The following CPQ variants were observed in gnomAD, a reference collection of about 807,000 sequenced individuals.
CPQ encodes carboxypeptidase Q, also known as Ser-Met dipeptidase.
CPQ carries 37 observed loss-of-function variants against 45.7 expected under a neutral mutation model. That is an observed-to-expected ratio of 0.81 (90% CI 0.62 to 1.07). The LOEUF is 1.07. Among genes scored for constraint, CPQ ranks in the 50% least tolerant of loss-of-function variants. The pLI is 0.00. For synonymous variants in CPQ, 186 were observed against 205.8 expected, an observed-to-expected ratio of 0.90 and a Z score of 0.82; for missense variants, 537 against 572.9, an observed-to-expected ratio of 0.94 and a Z score of 0.64.
intron 7 of CPQ, among the ~76,000 whole-genome samples, chr8:97,138,879 T>C (rs1025442371): frequency 6.6e-6 from 1 of 151,808 alleles, no homozygotes; most frequent in African/African-American, 2.4e-5. Flanking sequence ...AGCATGTAGC[T>C]TCCAAACTAT....
intron 1 of CPQ, among the ~76,000 whole-genome samples, chr8:96,783,731 T>C (rs1213450805): frequency 1.3e-5 from 2 of 152,192 alleles, no homozygotes; most frequent in Non-Finnish European, 2.9e-5. Flanking sequence ...TAATAGCCAC[T>C]AGCCACACGT....
intron 7 of CPQ, among the ~76,000 whole-genome samples, chr8:97,099,115 C>CTCTCTCTTTTTTTTTTTTTTTTT (rs1554589610): frequency 1.5e-5 from 1 of 66,316 alleles, no homozygotes; most frequent in Admixed American, 2.7e-4. Flanking sequence ...CCTTCTCTCT[C>CTCTCTCTTTTTTTTTTTTTTTTT]TTTTTTTTTT....
In CPQ at chr8:96,861,457, C is replaced by T. The variant is rs190094332; in HGVS notation, c.642-18341C>T. On this transcript the variant is annotated intron_variant, in intron 3 of 7. Transcript: ENST00000220763. ...AAGGTTGTTTAGGTCATTAAGCTTA[C>T]AAGATCTTCTATTTCCCAATTAGTA... 3.9e-5 allele frequency among the ~76,000 whole-genome samples: 6 copies of T among 152,154 alleles called. No homozygotes were observed. The East Asian group carries it at 9.7e-4, about 25-fold the overall frequency.
intron 4 of CPQ, among the ~76,000 whole-genome samples, chr8:96,886,876 A>G (rs1359302181): frequency 1.3e-5 from 2 of 152,216 alleles, no homozygotes; most frequent in African/African-American, 2.4e-5. Context: ...TTCCCTAAGC[A>G]CAAAGAGTTC....
At chr8:96,830,899 A>G (rs1208558652) in intron 2 of CPQ, among the ~76,000 whole-genome samples, 2 of 152,200 alleles carry the variant, frequency 1.3e-5, no homozygotes, top group East Asian at 3.9e-4. Flanking sequence ...TTTGTGAAAT[A>G]ATATAACAAT....
At chr8:96,727,846 C>T (rs547454338) in intron 1 of CPQ, among the ~76,000 whole-genome samples, 3 of 152,094 alleles carry the variant, frequency 2.0e-5, no homozygotes, top group Non-Finnish European at 4.4e-5. Flanking sequence ...CTGATTTTTC[C>T]AGAGAAAAAT....
At chr8:97,091,262 T>C (rs547237845) in intron 7 of CPQ, among the ~76,000 whole-genome samples, 1 of 152,346 alleles carries the variant, frequency 6.6e-6, no homozygotes, top group African/African-American at 2.4e-5. Context: ...CCATCACTTA[T>C]ATTTCTCAGA....
chr8:96,646,709 T>A (rs1815523071), intron 1 of CPQ, among the ~76,000 whole-genome samples: 1 of 152,226 alleles, frequency 6.6e-6, no homozygotes, highest in Non-Finnish European at 1.5e-5. Context: ...AAAATGAAGA[T>A]GTTTAGCTAG....
intron 4 of CPQ, among the ~76,000 whole-genome samples, chr8:96,899,988 C>T (rs1247688644): frequency 6.6e-6 from 1 of 152,028 alleles, no homozygotes; most frequent in Non-Finnish European, 1.5e-5. Flanking sequence ...TTTGATGGTC[C>T]TTTTGTTGTT....
chr8:96,700,623 C>T (rs1434515328), intron 1 of CPQ, among the ~76,000 whole-genome samples: 2 of 152,192 alleles, frequency 1.3e-5, no homozygotes, highest in Non-Finnish European at 2.9e-5. Context: ...AAGAACCAGA[C>T]CTAGCTAGAA....
At chr8:96,932,550 A>G (rs1166297954) in intron 4 of CPQ, among the ~76,000 whole-genome samples, 1 of 152,214 alleles carries the variant, frequency 6.6e-6, no homozygotes, top group Non-Finnish European at 1.5e-5. Context: ...CCACTTTACT[A>G]TACAAAGCTG....
intron 7 of CPQ, among the ~76,000 whole-genome samples, chr8:97,137,483 C>G (rs116029975): frequency 1.5e-3 from 235 of 152,322 alleles, no homozygotes; most frequent in African/African-American, 5.4e-3. Flanking sequence ...ATTTGACATT[C>G]ACCTGATACT....
At chr8:96,780,103 T>G (rs1211999761) in intron 1 of CPQ, among the ~76,000 whole-genome samples, 1 of 152,162 alleles carries the variant, frequency 6.6e-6, no homozygotes, top group South Asian at 2.1e-4. Flanking sequence ...ATGTATTGAG[T>G]GCCTGTATTT....
intron 2 of CPQ, among the ~76,000 whole-genome samples, chr8:96,829,540 G>A (rs777727828): frequency 2.0e-5 from 3 of 152,020 alleles, no homozygotes; most frequent in Non-Finnish European, 4.4e-5. Flanking sequence ...GTCTGTTTTG[G>A]GGCCTGGCAG....
intron 3 of CPQ, among the ~76,000 whole-genome samples, chr8:96,846,409 T>G (rs1443276471): frequency 6.6e-6 from 1 of 152,204 alleles, no homozygotes; most frequent in Non-Finnish European, 1.5e-5. Context: ...TTGCAAATAT[T>G]TTCTCCCAGC....
At chr8:96,708,619 T>C (rs1809565717) in intron 1 of CPQ, among the ~76,000 whole-genome samples, 1 of 152,102 alleles carries the variant, frequency 6.6e-6, no homozygotes, top group Non-Finnish European at 1.5e-5. Flanking sequence ...ATAGAATCTC[T>C]AGTTTATTAA....
intron 3 of CPQ, among the ~76,000 whole-genome samples, chr8:96,860,771 C>T (rs372435311): frequency 8.4e-4 from 128 of 152,212 alleles, no homozygotes; most frequent in African/African-American, 2.9e-3. Flanking sequence ...GGACACTTAA[C>T]CTAAAATTCT....
intron 2 of CPQ, among the ~76,000 whole-genome samples, chr8:96,828,336 T>C (rs1811403866): frequency 6.6e-6 from 1 of 152,044 alleles, no homozygotes; most frequent in South Asian, 2.1e-4. Flanking sequence ...GTCTCCCATG[T>C]GATATCACCC....
chr8:96,913,592 T>C (rs928018043), intron 4 of CPQ, among the ~76,000 whole-genome samples: 1 of 152,174 alleles, frequency 6.6e-6, no homozygotes, highest in African/African-American at 2.4e-5. Context: ...TAGTTTCTAA[T>C]TCCCCTTCTA....
Sources: gnomAD v4.1 joint callset for allele counts (sites outside exome capture counted in the v4.1 genomes callset) on GRCh38, gnomAD v4.1.1 for gene constraint, MANE v1.5 for transcripts, NCBI Gene and HGNC (gene_info 2026-07-23, HGNC 2026-07-21) for gene names.